HNRNPC: variants seen among roughly 807,000 people sequenced by gnomAD.
HNRNPC encodes heterogeneous nuclear ribonucleoproteins C1/C2.
A neutral mutation model predicts 33.2 loss-of-function variants in HNRNPC; 3 were observed. That is an observed-to-expected ratio of 0.09 (90% CI 0.04 to 0.23). The LOEUF (loss-of-function observed/expected upper bound fraction) is 0.23, where lower values mean the gene tolerates loss of function less well. Ranked by LOEUF, HNRNPC falls within the 10% of genes least tolerant of loss-of-function variation. The pLI is 1.00. For missense variants in HNRNPC, 143 were observed against 366.7 expected (o/e 0.39, Z 4.98); for synonymous variants, 121 against 126.7 (o/e 0.96, Z 0.30).
intron 2 of HNRNPC, among the ~76,000 whole-genome samples, chr14:21,253,733 C>T (rs1192549101): frequency 6.6e-6 from 1 of 151,978 alleles, no homozygotes; most frequent in Non-Finnish European, 1.5e-5. Flanking sequence ...CAATAAATTG[C>T]TAAACTTATT....
At chr14:21,242,554 G>A (rs1487393538) in intron 2 of HNRNPC, among the ~76,000 whole-genome samples, 1 of 152,176 alleles carries the variant, frequency 6.6e-6, no homozygotes, top group Non-Finnish European at 1.5e-5. Flanking sequence ...TTTAACATAT[G>A]AGAGTACTGT....
intron 2 of HNRNPC, among the ~76,000 whole-genome samples, chr14:21,238,130 G>A (rs183964982): frequency 6.6e-6 from 1 of 152,260 alleles, no homozygotes; most frequent in East Asian, 1.9e-4. Context: ...AAAACCACTT[G>A]TAGAATGAAT....
At position 21,211,352 on chromosome 14, in the gene HNRNPC, G is replaced by A. The variant is rs749837595; in HGVS notation, c.799-46C>T. 4 of 1,612,914 alleles carry A rather than the reference G, an allele frequency of 2.5e-6. No homozygotes were observed. In the South Asian group the frequency reaches 4.4e-5, roughly 18 times the overall value. ...CAGGATGGAGTTAGAGGCACTCCAT[G>A]TGTCCCTGAGCCCCCCTCCACCACC... On this transcript the variant is annotated intron_variant, in intron 8 of 8. Coordinates refer to ENST00000553300, the MANE Select transcript of HNRNPC (RefSeq NM_004500.4).
intron 2 of HNRNPC, among the ~76,000 whole-genome samples, chr14:21,240,404 T>C (rs897060117): frequency 4.6e-5 from 7 of 152,202 alleles, no homozygotes; most frequent in Non-Finnish European, 8.8e-5. Context: ...ATTTTGAAAA[T>C]ATATTTATAA....
intron 2 of HNRNPC, among the ~76,000 whole-genome samples, chr14:21,247,355 T>C (rs963067474): frequency 6.6e-6 from 1 of 152,214 alleles, no homozygotes; most frequent in East Asian, 1.9e-4. Flanking sequence ...CCTTCACTGA[T>C]AGGACATAAC....
intron 5 of HNRNPC, among the ~76,000 whole-genome samples, chr14:21,214,189 C>T (rs1566594005): frequency 6.6e-6 from 1 of 152,304 alleles, no homozygotes; most frequent in East Asian, 1.9e-4. Flanking sequence ...AATACACCTA[C>T]CAACTGTTCT....
chr14:21,217,858 G>C (rs1219600364), intron 5 of HNRNPC, among the ~76,000 whole-genome samples: 2 of 152,120 alleles, frequency 1.3e-5, no homozygotes, highest in Admixed American at 1.3e-4. Flanking sequence ...GGTGTGTCTT[G>C]ATGGTTTCAT....
intron 2 of HNRNPC, among the ~76,000 whole-genome samples, chr14:21,238,024 G>A (rs1894914610): frequency 6.6e-6 from 1 of 152,096 alleles, no homozygotes; most frequent in African/African-American, 2.4e-5. Flanking sequence ...GCCTGCCTCG[G>A]CCTCCCAAAG....
chr14:21,261,280 A>G (rs552495142), intron 2 of HNRNPC, among the ~76,000 whole-genome samples: 42 of 152,350 alleles, frequency 2.8e-4, no homozygotes, highest in South Asian at 2.5e-3. Flanking sequence ...ATGTCCCATA[A>G]AAATAATAAA....
At chr14:21,266,912 G>A (rs932751704) in intron 1 of HNRNPC, among the ~76,000 whole-genome samples, 5 of 150,024 alleles carry the variant, frequency 3.3e-5, no homozygotes, top group Non-Finnish European at 5.9e-5. Context: ...CCAACACGGT[G>A]AAACCCCGTC....
intron 2 of HNRNPC, among the ~76,000 whole-genome samples, chr14:21,248,684 A>C (rs1466211341): frequency 6.6e-6 from 1 of 152,254 alleles, no homozygotes; most frequent in East Asian, 1.9e-4. Flanking sequence ...AATTAAACCA[A>C]GTACCATGTT....
intron 5 of HNRNPC, among the ~76,000 whole-genome samples, chr14:21,225,295 G>A (rs1893293596): frequency 6.6e-6 from 1 of 152,000 alleles, no homozygotes; most frequent in African/African-American, 2.4e-5. Context: ...CACGCATGGT[G>A]GCAGGCACCT....
intron 5 of HNRNPC, among the ~76,000 whole-genome samples, chr14:21,214,888 G>A (rs1020853295): frequency 1.3e-5 from 2 of 152,226 alleles, no homozygotes; most frequent in Non-Finnish European, 2.9e-5. Flanking sequence ...CCATATCCAT[G>A]AGCATTAAAC....
chr14:21,212,866 C>G, intron 6 of HNRNPC, 94 bp downstream of exon 6: 1 of 1,491,216 alleles, frequency 6.7e-7, no homozygotes, highest in Admixed American at 1.7e-5. Flanking sequence ...TTTGAATACA[C>G]AAAGTCATGT....
At chr14:21,246,725 AG>A (rs1896018491) in intron 2 of HNRNPC, among the ~76,000 whole-genome samples, 1 of 152,206 alleles carries the variant, frequency 6.6e-6, no homozygotes, top group South Asian at 2.1e-4. Context: ...CAACACATAC[AG>A]GAACAATTAC....
At chr14:21,267,250 TAAG>T (rs1879179483) in intron 1 of HNRNPC, among the ~76,000 whole-genome samples, 1 of 152,192 alleles carries the variant, frequency 6.6e-6, no homozygotes, top group African/African-American at 2.4e-5. Flanking sequence ...CTTATTTGCC[TAAG>T]GAGGATTAAA....
Position 21,261,868 on chromosome 14 carries a change from A to G in HNRNPC, c.-37+1443T>C, listed in dbSNP as rs116437266. On this transcript the variant is annotated intron_variant, in intron 2 of 8. Coordinates refer to ENST00000553300, the MANE Select transcript of HNRNPC (RefSeq NM_004500.4). The stretch of plus-strand genomic sequence containing the variant: ...CGGGTTGCTCAACTTCTCTTTGGCT[A>G]TCCACATCTTTACTAATCTCTACAC... Among the ~76,000 whole-genome samples, 1,253 of 152,310 alleles carry G rather than the reference A, an allele frequency of 8.2e-3. 19 individuals are homozygous for G. Among genetic ancestry groups the G allele is most frequent in the African/African-American group, 0.029 (1,197 of 41,554 alleles).
At chr14:21,244,208 T>C (rs766246879) in intron 2 of HNRNPC, among the ~76,000 whole-genome samples, 12 of 152,106 alleles carry the variant, frequency 7.9e-5, no homozygotes, top group Admixed American at 1.3e-4. Flanking sequence ...ATGTTGACCA[T>C]AGCTGGTCTC....
At chr14:21,236,006 A>G (rs1041026033) in intron 2 of HNRNPC, among the ~76,000 whole-genome samples, 1 of 152,196 alleles carries the variant, frequency 6.6e-6, no homozygotes, top group Non-Finnish European at 1.5e-5. Flanking sequence ...GGAATAAGAC[A>G]GAAATGGATT....
Sources: gnomAD v4.1 joint callset for allele counts (sites outside exome capture counted in the v4.1 genomes callset) on GRCh38, gnomAD v4.1.1 for gene constraint, MANE v1.5 for transcripts, NCBI Gene and HGNC (gene_info 2026-07-23, HGNC 2026-07-21) for gene names.